Variants in SECISBP2L observed in about 807,000 individuals in gnomAD.
SECISBP2L encodes the protein SECIS binding protein 2 like.
In SECISBP2L, 43 loss-of-function variants were observed where a neutral mutation model predicts 114.7. That is an observed-to-expected ratio of 0.38 (90% CI 0.29 to 0.48). SECISBP2L has a LOEUF of 0.48. Among genes scored for constraint, SECISBP2L ranks in the 20% least tolerant of loss-of-function variants. The probability of loss-of-function intolerance (pLI) is 0.98; values close to 1 mark genes in which losing one functional copy is unlikely to be tolerated. For synonymous variants in SECISBP2L, 451 were observed against 439.7 expected (o/e 1.03, Z -0.32); for missense variants, 1,136 against 1,301.1 (o/e 0.87, Z 1.95).
chr15:49,019,578 A>T (rs1902601885), intron 7 of SECISBP2L, 26 bp from the exon 8 acceptor site: 1 of 1,426,694 alleles, frequency 7.0e-7, no homozygotes, highest in Admixed American at 3.4e-5. Flanking sequence ...AGGGGAAAAA[A>T]AATCTAATTA....
At chr15:49,001,208 C>T in intron 14 of SECISBP2L, 111 bp from the exon 15 acceptor site, 2 of 687,890 alleles carry the variant, frequency 2.9e-6, no homozygotes, top group Non-Finnish European at 4.7e-6. Flanking sequence ...AAGAAGTTTT[C>T]ATGAAAAGTC....
chr15:49,012,251 A>G (rs769743006), intron 12 of SECISBP2L, among the ~76,000 whole-genome samples: 25 of 152,206 alleles, frequency 1.6e-4, no homozygotes, highest in Admixed American at 1.3e-3. Flanking sequence ...CCCTTTTAAC[A>G]ATAGTGAGTT....
intron 15 of SECISBP2L, 152 bp from the exon 16 acceptor site, chr15:49,000,139 T>C (rs1902172301): frequency 1.4e-6 from 1 of 691,300 alleles, no homozygotes; most frequent in African/African-American, 1.8e-5. Flanking sequence ...TTTAATTTTA[T>C]ACAATATATG....
chr15:49,046,184 C>T (rs974241663), intron 1 of SECISBP2L, 92 bp downstream of exon 1: 133 of 1,440,406 alleles, frequency 9.2e-5, no homozygotes, highest in South Asian at 2.6e-4. Context: ...AGGACCGGCC[C>T]CCGGTCCCCA....
At position 49,019,743 on chromosome 15, in the gene SECISBP2L, C is replaced by T. The variant is rs115347478; in HGVS notation, c.1036-191G>A. 479 of 416,816 alleles carry T rather than the reference C, an allele frequency of 1.1e-3. 3 individuals are homozygous for T. Among genetic ancestry groups the T allele is most frequent in the African/African-American group, 9.1e-3 (444 of 48,732 alleles). 25.8% of individuals were successfully genotyped at this position (416,816 alleles called of 1,614,324 possible). A position where few individuals can be genotyped will look rare whatever the true frequency, so the allele number is the denominator to read the frequency against. On this transcript the variant is annotated intron_variant, in intron 7 of 17. Transcript: ENST00000559471. ...TTATAAGAAAAATAGAAAAATGAGA[C>T]AATTAATCCACATTGCTTTTTTCCC...
rs926010100 is a variant in SECISBP2L, at chr15:48,998,002, G to A, written c.2404-1416C>T. Among the ~76,000 whole-genome samples the A allele has an allele frequency of 3.7e-4, 57 of 152,292 alleles. 1 individual carries two copies. The highest frequency in any genetic ancestry group is 3.3e-3 in the Admixed American group (51 of 15,298). ...GCCAATCTATATGACTTTTAGTTAT[G>A]CCATAATTCTATAGCATCCCATTCC... On this transcript the variant is annotated intron_variant, in intron 16 of 17. Coordinates refer to ENST00000559471, the MANE Select transcript of SECISBP2L (RefSeq NM_001193489.2).
chr15:49,003,043 T>C (rs1902243349), intron 14 of SECISBP2L, among the ~76,000 whole-genome samples: 1 of 152,218 alleles, frequency 6.6e-6, no homozygotes, highest in Non-Finnish European at 1.5e-5. Flanking sequence ...CTTTGGGCAG[T>C]ATGGCCATTT....
intron 16 of SECISBP2L, among the ~76,000 whole-genome samples, chr15:48,997,046 T>C (rs533396886): frequency 1.8e-4 from 27 of 152,310 alleles, no homozygotes; most frequent in African/African-American, 6.5e-4. Context: ...GCATCAACTC[T>C]AAACTGCTGG....
rs1403454381 is a variant in SECISBP2L at position 49,019,544 on chromosome 15, G to A, written c.1044C>T (p.Phe348=). ...TEQRNNSQVG[F]RCRGHSTSSE... ...AGGAAGTACTGTGTCCTCGGCATCT[G>A]AATCCAACCTAAGTAAACCCCAGAG... The change falls in exon 8 of 18, where the codon TTC becomes TTT. Residue 348 remains phenylalanine, a synonymous_variant. Coordinates refer to ENST00000559471, the MANE Select transcript of SECISBP2L (RefSeq NM_001193489.2). The A allele has an allele frequency of 3.4e-6, 5 of 1,473,674 alleles. No homozygotes were observed. Among genetic ancestry groups the A allele is most frequent in the South Asian group, 1.4e-5 (1 of 72,428 alleles). 91.3% of individuals were successfully genotyped at this position (1,473,674 alleles called of 1,614,324 possible). A position where few individuals can be genotyped will look rare whatever the true frequency, so the allele number is the denominator to read the frequency against.
At chr15:48,993,009 G>A (rs978346632) in intron 17 of SECISBP2L, 83 bp from the exon 18 acceptor site, 5 of 1,190,122 alleles carry the variant, frequency 4.2e-6, no homozygotes, top group Non-Finnish European at 5.9e-6. Context: ...AAAAAAGAAA[G>A]AACAACAAAA....
intron 11 of SECISBP2L, among the ~76,000 whole-genome samples, chr15:49,015,384 C>G (rs1902515896): frequency 6.6e-6 from 1 of 152,008 alleles, no homozygotes; most frequent in African/African-American, 2.4e-5. Flanking sequence ...TTACAAATAA[C>G]TATTGTAATA....
At chr15:48,994,474 T>C (rs1902048179) in intron 17 of SECISBP2L, among the ~76,000 whole-genome samples, 1 of 152,188 alleles carries the variant, frequency 6.6e-6, no homozygotes, top group Non-Finnish European at 1.5e-5. Flanking sequence ...ATCTGGCCCT[T>C]ATCTATCATT....
rs1012123526 is a variant in SECISBP2L, at chr15:49,019,460, T to C, written c.1128A>G (p.Gln376=). ...CAGAATTTGGATCGCTTCTATGGGA[T>C]TGACTAGAGCTTAAATGCTTATTAT... The part of the protein sequence containing the change: ...RPDNKHLSSS[Q]SHRSDPNSES... The change falls in exon 8 of 18, where the codon CAA becomes CAG. Residue 376 remains glutamine, a synonymous_variant. Coordinates refer to ENST00000559471, the MANE Select transcript of SECISBP2L (RefSeq NM_001193489.2). 1.2e-4 allele frequency: 176 copies of C among 1,499,856 alleles called. 1 individual carries two copies. In the Middle Eastern group the frequency reaches 1.2e-3, roughly 10 times the overall value. The allele number at this position is 1,499,856 out of a possible 1,614,324, so 92.9% of individuals were successfully genotyped here.
intron 7 of SECISBP2L, 79 bp downstream of exon 7, chr15:49,027,286 C>G (rs1166855911): frequency 2.1e-6 from 2 of 943,260 alleles, no homozygotes; most frequent in Admixed American, 3.6e-5. Flanking sequence ...TGTGCATATC[C>G]ACTACACCAC....
chr15:49,006,798 A>G (rs1902332560), intron 14 of SECISBP2L, among the ~76,000 whole-genome samples: 1 of 152,042 alleles, frequency 6.6e-6, no homozygotes, highest in Non-Finnish European at 1.5e-5. Flanking sequence ...ACTTCCGTCA[A>G]TTTGTCAAAC....
rs1445239725 is a variant in SECISBP2L, at chr15:48,992,878, G to A, written c.2672C>T (p.Ser891Leu). 3 of 1,614,064 alleles carry A rather than the reference G, an allele frequency of 1.9e-6. No homozygotes were observed. Among genetic ancestry groups the A allele is most frequent in the Middle Eastern group, 1.7e-4 (1 of 6,060 alleles). ...ACAGGATACCTCTTTCTCATTTTCT[G>A]ATGCTTCCAGTCCATCTGAAGTTTC... is the stretch of plus-strand genomic sequence containing the variant. Reference protein sequence around the residue: ...MVETSDGLEASENEKEVSCKH... With the variant: ...MVETSDGLEALENEKEVSCKH... Residue 891 changes from serine (S) to leucine (L), a missense_variant, in exon 18 of 18, where the codon TCA becomes TTA. Ser to Leu is a moderately radical substitution (Grantham distance 145). Transcript: ENST00000559471.
At chr15:49,036,115 C>T (rs1183054931) in intron 2 of SECISBP2L, among the ~76,000 whole-genome samples, 1 of 152,148 alleles carries the variant, frequency 6.6e-6, no homozygotes, top group East Asian at 1.9e-4. Flanking sequence ...ATTTTCAGCT[C>T]AATCTCAGAG....
rs774139887 is a variant in SECISBP2L, at chr15:48,996,443, AT to A, written c.2546del (p.Asn849IlefsTer21). ...AAGAAATGGCACTTGCTGCAGAGGG[AT>A]TCCGAGAATGTCCCATGTGGTGTGG... is the stretch of plus-strand genomic sequence containing the variant. ...KVPHHMGHSRNPSAASAISFC... is the reference protein window; with the variant it reads ...KVPHHMGHSRXPSAASAISFC... On this transcript the variant is annotated frameshift_variant, in exon 17 of 18. Transcript: ENST00000559471. LOFTEE classifies it high-confidence loss of function. The A allele has an allele frequency of 6.2e-7, 1 of 1,614,122 alleles. No individual in the cohort carries two copies. Among genetic ancestry groups the A allele is most frequent in the Non-Finnish European group, 8.5e-7 (1 of 1,180,010 alleles).
intron 4 of SECISBP2L, 150 bp from the exon 5 acceptor site, chr15:49,028,832 A>C: frequency 2.9e-6 from 2 of 683,062 alleles, no homozygotes; most frequent in Non-Finnish European, 4.9e-6. Flanking sequence ...ATTAAAAGGT[A>C]AGATGTTCCT....
Sources: allele counts gnomAD v4.1 joint callset (sites outside exome capture counted in the v4.1 genomes callset), GRCh38; gene constraint gnomAD v4.1.1; transcripts MANE v1.5; gene names NCBI Gene and HGNC (gene_info 2026-07-23, HGNC 2026-07-21).